Variants in BMPR2 observed in about 807,000 individuals in gnomAD.
BMPR2 encodes bone morphogenetic protein receptor type 2, also known as bone morphogenetic protein receptor type-2.
Under a neutral mutation model 100.8 loss-of-function variants are expected in BMPR2, and 29 were observed. That is an observed-to-expected ratio of 0.29 (90% CI 0.21 to 0.39). BMPR2 has a LOEUF of 0.39. BMPR2 is among the 10% of genes least tolerant of loss of function. The probability of loss-of-function intolerance (pLI) is 1.00; values close to 1 mark genes in which losing one functional copy is unlikely to be tolerated. For missense variants in BMPR2, 1,011 were observed against 1,274.5 expected, an observed-to-expected ratio of 0.79 and a Z score of 3.15; for synonymous variants, 382 against 442.3, an observed-to-expected ratio of 0.86 and a Z score of 1.71.
At chr2:202,425,103 C>T (rs942543222) in intron 1 of BMPR2, among the ~76,000 whole-genome samples, 7 of 152,012 alleles carry the variant, frequency 4.6e-5, no homozygotes, top group Non-Finnish European at 7.4e-5. Flanking sequence ...GGACTACAGG[C>T]ACATGCCACC....
chr2:202,387,580 A>G (rs1690455561), intron 1 of BMPR2, among the ~76,000 whole-genome samples: 2 of 152,238 alleles, frequency 1.3e-5, no homozygotes, highest in Admixed American at 6.5e-5. Flanking sequence ...TCCAGATTGA[A>G]CTATGTCTTA....
intron 1 of BMPR2, among the ~76,000 whole-genome samples, chr2:202,410,549 A>T (rs1413463500): frequency 1.3e-5 from 2 of 152,224 alleles, no homozygotes; most frequent in African/African-American, 4.8e-5. Context: ...CCATACTAAT[A>T]TAAACAAGGG....
At chr2:202,497,991 A>C (rs983618331) in intron 3 of BMPR2, among the ~76,000 whole-genome samples, 4 of 152,156 alleles carry the variant, frequency 2.6e-5, no homozygotes, top group African/African-American at 7.2e-5. Flanking sequence ...TGAAGCTAGG[A>C]TATGGGGAGC....
intron 3 of BMPR2, among the ~76,000 whole-genome samples, chr2:202,478,504 T>A (rs972271918): frequency 6.6e-6 from 1 of 152,206 alleles, no homozygotes; most frequent in Non-Finnish European, 1.5e-5. Flanking sequence ...TCCAAAGTAG[T>A]CCCAACTGTT....
At chr2:202,533,643 T>C (rs770454275) in intron 9 of BMPR2, among the ~76,000 whole-genome samples, 26 of 152,080 alleles carry the variant, frequency 1.7e-4, no homozygotes, top group Non-Finnish European at 3.1e-4. Context: ...GCCAATATGG[T>C]GAAACCCCAT....
Position 202,440,455 on chromosome 2 carries a change from C to T in BMPR2, c.77-24354C>T, listed in dbSNP as rs937898671. The stretch of plus-strand genomic sequence containing the variant: ...CTCACTTCCTAGACGGGATGGCTGC[C>T]GGGAAGAGGCGCTCCTCACTTCCCA... On this transcript the variant is annotated intron_variant, in intron 1 of 12. Transcript: ENST00000374580. Among the ~76,000 whole-genome samples the T allele has an allele frequency of 1.0e-4, 15 of 149,240 alleles. No homozygotes were observed. The South Asian group carries it at 1.0e-3, about 10-fold the overall frequency.
Position 202,556,163 on chromosome 2 carries a change from G to T in BMPR2, c.2498G>T (p.Gly833Val). The T allele has an allele frequency of 1.2e-6, 2 of 1,611,954 alleles. No homozygotes were observed. Among genetic ancestry groups the T allele is most frequent in the Non-Finnish European group, 1.7e-6 (2 of 1,178,200 alleles). Reference sequence around the variant, plus strand: ...TATGCCAATGGGACAGTACTATCTGGCCAAACAACCAACATAGTGACACAT... The same window carrying T: ...TATGCCAATGGGACAGTACTATCTGTCCAAACAACCAACATAGTGACACAT... ...TQYANGTVLS[G>V]QTTNIVTHRA... Residue 833 changes from glycine to valine, a missense_variant, in exon 12 of 13, where the codon GGC (glycine) becomes GTC (valine). Physicochemically the swap from Gly to Val is moderately radical, Grantham distance 109 (BLOSUM62 -3). Transcript: ENST00000374580.
chr2:202,467,253 A>G lies in BMPR2; in HGVS notation c.248-266A>G, dbSNP rs553152649. 1.0e-3 allele frequency among the ~76,000 whole-genome samples: 159 copies of G among 152,316 alleles called. 2 individuals carry two copies. Among genetic ancestry groups the G allele is most frequent in the Admixed American group, 2.2e-3 (34 of 15,294 alleles). ...ACTCTAGCCTGGGCAACAAGAGTGA[A>G]ACTCCGCCTCAATAAATAAATAAAT... On this transcript the variant is annotated intron_variant, in intron 2 of 12. Coordinates refer to ENST00000374580, the MANE Select transcript of BMPR2 (RefSeq NM_001204.7).
chr2:202,507,720 A>G (rs1460675828), intron 3 of BMPR2, among the ~76,000 whole-genome samples: 10 of 143,608 alleles, frequency 7.0e-5, no homozygotes, highest in Admixed American at 6.3e-4. Flanking sequence ...TTTTCCTGAG[A>G]TGGAGTTTCA....
At chr2:202,520,714 T>G (rs1687805280) in intron 7 of BMPR2, 1 of 156,312 alleles carries the variant, frequency 6.4e-6, no homozygotes, top group Non-Finnish European at 1.4e-5. Flanking sequence ...CCCTGCCATA[T>G]GACAAGAAAA....
Position 202,495,442 on chromosome 2 carries a change from C to T in BMPR2, c.419-18277C>T, listed in dbSNP as rs868079084. The stretch of plus-strand genomic sequence containing the variant: ...ATCGTTGTGCTCTTCTGCTGGCGTG[C>T]TCCTCTCGACGACCAGCCACTTTCT... On this transcript the variant is annotated intron_variant, in intron 3 of 12. Transcript: ENST00000374580. The surrounding 1 kb of genome is among the most constrained non-coding windows in gnomAD (Gnocchi z 4.5). 6.6e-6 allele frequency among the ~76,000 whole-genome samples: 1 copy of T among 152,200 alleles called. No individual in the cohort carries two copies. Among genetic ancestry groups the T allele is most frequent in the African/African-American group, 2.4e-5 (1 of 41,456 alleles).
intron 1 of BMPR2, among the ~76,000 whole-genome samples, chr2:202,426,272 A>G (rs1691382017): frequency 6.6e-6 from 1 of 152,114 alleles, no homozygotes; most frequent in Admixed American, 6.6e-5. Context: ...AGATTTTGGG[A>G]TTGTTATTGC....
At chr2:202,535,080 G>C (rs566526489) in intron 9 of BMPR2, among the ~76,000 whole-genome samples, 5 of 143,214 alleles carry the variant, frequency 3.5e-5, no homozygotes, top group African/African-American at 1.3e-4. Flanking sequence ...GGCCTGGCTG[G>C]GGGCTGACCC....
At chr2:202,537,721 G>C (rs1241614237) in intron 9 of BMPR2, among the ~76,000 whole-genome samples, 1 of 152,130 alleles carries the variant, frequency 6.6e-6, no homozygotes, top group Non-Finnish European at 1.5e-5. Flanking sequence ...GGAATAAGAA[G>C]AGAGTTGCTT....
chr2:202,550,186 G>A (rs566580146), intron 10 of BMPR2, among the ~76,000 whole-genome samples: 3 of 152,004 alleles, frequency 2.0e-5, no homozygotes, highest in African/African-American at 7.2e-5. Flanking sequence ...TGGCCAACAT[G>A]GTGAAACCCC....
chr2:202,402,774 C>T (rs1285160877), intron 1 of BMPR2, among the ~76,000 whole-genome samples: 2 of 151,126 alleles, frequency 1.3e-5, no homozygotes, highest in African/African-American at 4.9e-5. Context: ...TCAAGCTATT[C>T]TTATGCCTCA....
chr2:202,474,035 G>A (rs866877772), intron 3 of BMPR2, among the ~76,000 whole-genome samples: 42 of 151,656 alleles, frequency 2.8e-4, no homozygotes, highest in African/African-American at 8.7e-4. Flanking sequence ...AACCCAGGAG[G>A]CAGAGGTTGC....
chr2:202,524,823 A>C (rs1296362195), intron 7 of BMPR2, among the ~76,000 whole-genome samples: 1 of 152,118 alleles, frequency 6.6e-6, no homozygotes, highest in East Asian at 1.9e-4. Context: ...ACCTGAGGTC[A>C]GGAGTACGAG....
At chr2:202,559,643 C>G (rs571792672) in intron 12 of BMPR2, 53 bp from the exon 13 acceptor site, 1 of 1,589,272 alleles carries the variant, frequency 6.3e-7, no homozygotes, top group South Asian at 1.1e-5. Context: ...ATCCCTTACC[C>G]GTTATTTCTT....
Sources: allele counts gnomAD v4.1 joint callset (sites outside exome capture counted in the v4.1 genomes callset), GRCh38; gene constraint gnomAD v4.1.1; non-coding constraint Gnocchi (gnomAD v3.1); transcripts MANE v1.5; gene names NCBI Gene and HGNC (gene_info 2026-07-23, HGNC 2026-07-21).